Variants in TCF12 observed in about 807,000 individuals in gnomAD.
The protein encoded by TCF12 is DNA-binding protein HTF4.
A neutral mutation model predicts 86.0 loss-of-function variants in TCF12; 45 were observed. The ratio of observed to expected loss-of-function variants is 0.52; its 90% confidence interval spans 0.41 to 0.67. The LOEUF (loss-of-function observed/expected upper bound fraction) is 0.67. TCF12 is among the 30% of genes least tolerant of loss of function. The pLI is 0.00. For missense variants in TCF12, 881 were observed against 859.9 expected, an observed-to-expected ratio of 1.02 and a Z score of -0.31; for synonymous variants, 330 against 299.6, an observed-to-expected ratio of 1.10 and a Z score of -1.05.
downstream of TCF12, chr15:57,289,966 T>C (rs1485295515): frequency 6.6e-6 from 1 of 151,956 alleles, no homozygotes; most frequent in Admixed American, 6.5e-5. Flanking sequence ...AGCCATCCAA[T>C]GAAACACTGC....
chr15:57,202,892 G>A (rs560442843), intron 8 of TCF12, among the ~76,000 whole-genome samples: 48 of 152,222 alleles, frequency 3.2e-4, no homozygotes, highest in African/African-American at 1.1e-3. Flanking sequence ...TAGATACTCA[G>A]TAAATGTTCC....
intron 12 of TCF12, among the ~76,000 whole-genome samples, chr15:57,234,461 A>G (rs956438628): frequency 1.3e-5 from 2 of 152,214 alleles, no homozygotes; most frequent in African/African-American, 4.8e-5. Flanking sequence ...CCTTTATAAG[A>G]AACTTTTCCA....
intron 6 of TCF12, among the ~76,000 whole-genome samples, chr15:57,184,559 A>G (rs1432944460): frequency 6.6e-6 from 1 of 152,212 alleles, no homozygotes; most frequent in African/African-American, 2.4e-5. Context: ...ACCTCAAAAC[A>G]TATCAATGAA....
At chr15:57,143,162 A>AGC (rs2053113031) in intron 5 of TCF12, among the ~76,000 whole-genome samples, 5 of 83,424 alleles carry the variant, frequency 6.0e-5, no homozygotes, top group African/African-American at 1.3e-4. Flanking sequence ...CCCCCCCACC[A>AGC]AAAAAAAAAA....
chr15:57,042,302 G>T (rs1331851609), intron 3 of TCF12, among the ~76,000 whole-genome samples: 1 of 152,042 alleles, frequency 6.6e-6, no homozygotes, highest in Non-Finnish European at 1.5e-5. Context: ...AACAAAAGTA[G>T]TAATGTTTCT....
At chr15:57,106,381 C>T (rs536582226) in intron 5 of TCF12, among the ~76,000 whole-genome samples, 58 of 152,268 alleles carry the variant, frequency 3.8e-4, no homozygotes, top group Non-Finnish European at 7.2e-4. Context: ...TACTAACTGA[C>T]GCTTTTCTAT....
intron 5 of TCF12, among the ~76,000 whole-genome samples, chr15:57,118,596 A>G (rs1249879228): frequency 7.9e-5 from 12 of 152,104 alleles, no homozygotes; most frequent in African/African-American, 2.7e-4. Flanking sequence ...ACCATTTTTC[A>G]GTTAGTGGTT....
chr15:57,243,589 A>G (rs1385828729), intron 13 of TCF12, 39 bp downstream of exon 13: 15 of 1,477,492 alleles, frequency 1.0e-5, no homozygotes, highest in Non-Finnish European at 1.4e-5. Flanking sequence ...TGGTGGGACT[A>G]CTTGGAAATA....
At chr15:57,133,940 C>A (rs1182017993) in intron 5 of TCF12, among the ~76,000 whole-genome samples, 2 of 152,076 alleles carry the variant, frequency 1.3e-5, no homozygotes, top group Admixed American at 6.5e-5. Context: ...TTTTGATATG[C>A]CACTTGAAGT....
chr15:57,181,585 T>C (rs1413669136), intron 6 of TCF12, among the ~76,000 whole-genome samples: 2 of 152,222 alleles, frequency 1.3e-5, no homozygotes, highest in African/African-American at 2.4e-5. Flanking sequence ...TACCTACTAC[T>C]TTATTCCTTT....
intron 3 of TCF12, among the ~76,000 whole-genome samples, chr15:56,951,659 C>T (rs1370557325): frequency 6.6e-6 from 1 of 151,972 alleles, no homozygotes; most frequent in Non-Finnish European, 1.5e-5. Flanking sequence ...ACTTGTAGAA[C>T]GTTTTTTTGA....
At chr15:57,151,830 C>T (rs2053783425) in intron 5 of TCF12, among the ~76,000 whole-genome samples, 1 of 151,884 alleles carries the variant, frequency 6.6e-6, no homozygotes, top group Admixed American at 6.6e-5. Flanking sequence ...TTCAAAGAGG[C>T]CCAAGCACAC....
intron 5 of TCF12, among the ~76,000 whole-genome samples, chr15:57,107,041 T>C (rs115435990): frequency 0.012 from 1,783 of 152,338 alleles, 34 homozygotes; most frequent in African/African-American, 0.04. Context: ...GCTCTTACCA[T>C]GCAGTCCAAC....
chr15:57,238,155 T>G (rs1426871547), intron 12 of TCF12, among the ~76,000 whole-genome samples: 1 of 152,196 alleles, frequency 6.6e-6, no homozygotes, highest in African/African-American at 2.4e-5. Flanking sequence ...AGAAATGATA[T>G]ATTTTTATAC....
intron 3 of TCF12, among the ~76,000 whole-genome samples, chr15:56,934,284 G>C (rs1429875208): frequency 2.6e-5 from 4 of 152,170 alleles, no homozygotes; most frequent in Admixed American, 2.0e-4. Flanking sequence ...CTTCTACTTT[G>C]TACTGATAAG....
In TCF12 at chr15:57,243,551, G is replaced by A. The variant is rs2059724770; in HGVS notation, c.1114+1G>A. The A allele has an allele frequency of 6.2e-7, 1 of 1,612,424 alleles. No homozygotes were observed. The highest frequency in any genetic ancestry group is 1.7e-5 in the Admixed American group (1 of 59,970). On this transcript the variant is annotated splice_donor_variant, in intron 13 of 20. Transcript: ENST00000333725. LOFTEE classifies it high-confidence loss of function. The stretch of plus-strand genomic sequence containing the variant: ...GTTGGATCACCTTCACCTCTCACAG[G>A]TAGGCTTCTGTTTTATCTACTTCTA...
intron 8 of TCF12, among the ~76,000 whole-genome samples, chr15:57,225,015 T>C (rs547936667): frequency 6.6e-6 from 1 of 152,218 alleles, no homozygotes; most frequent in South Asian, 2.1e-4. Flanking sequence ...CATTGAGATA[T>C]TTATCAAATC....
chr15:57,045,696 C>G (rs937416572), intron 3 of TCF12, among the ~76,000 whole-genome samples: 1 of 152,076 alleles, frequency 6.6e-6, no homozygotes, highest in African/African-American at 2.4e-5. Flanking sequence ...CAGGCACATA[C>G]CATCATGCCT....
chr15:57,061,387 G>GTT (rs1180672767), intron 3 of TCF12, among the ~76,000 whole-genome samples: 1 of 152,006 alleles, frequency 6.6e-6, no homozygotes, highest in Non-Finnish European at 1.5e-5. Context: ...GAGGCCAGGA[G>GTT]TTCAAGACCA....
Sources: gnomAD v4.1 joint callset for allele counts (sites outside exome capture counted in the v4.1 genomes callset) on GRCh38, gnomAD v4.1.1 for gene constraint, MANE v1.5 for transcripts, NCBI Gene and HGNC (gene_info 2026-07-23, HGNC 2026-07-21) for gene names.